COL5A1: variants seen among roughly 807,000 people sequenced by gnomAD.
COL5A1 encodes the protein collagen alpha-1(V) chain.
A neutral mutation model predicts 263.7 loss-of-function variants in COL5A1; 16 were observed. That is an observed-to-expected ratio of 0.06 (90% CI 0.04 to 0.09). The LOEUF (loss-of-function observed/expected upper bound fraction) is 0.09, where lower values mean the gene tolerates loss of function less well. Among genes scored for constraint, COL5A1 ranks in the 10% least tolerant of loss-of-function variants. The pLI is 1.00. For synonymous variants in COL5A1, 1,012 were observed against 1,004.5 expected, an observed-to-expected ratio of 1.01 and a Z score of -0.14; for missense variants, 2,036 against 2,540.5, an observed-to-expected ratio of 0.80 and a Z score of 4.27.
In COL5A1 at chr9:134,785,113, G is replaced by A. The variant is rs750947144; in HGVS notation, c.2592+17G>A. 43 of 1,592,162 alleles carry A rather than the reference G, an allele frequency of 2.7e-5. No homozygotes were observed. Among genetic ancestry groups the A allele is most frequent in the Middle Eastern group, 1.7e-4 (1 of 6,024 alleles). On this transcript the variant is annotated intron_variant, in intron 30 of 65. Transcript: ENST00000371817. The stretch of plus-strand genomic sequence containing the variant: ...GGGGAGAAGGTTTGTGATGTGGGAC[G>A]TTCAGCCACTTTCTTGGGAGGGATC...
chr9:134,740,352 C>A (rs542034792), intron 11 of COL5A1, among the ~76,000 whole-genome samples: 4 of 152,328 alleles, frequency 2.6e-5, no homozygotes, highest in Middle Eastern at 3.4e-3. Context: ...ACCCCTTCCC[C>A]CAGATTCGCG....
At chr9:134,753,017 C>T (rs760860963) in intron 14 of COL5A1, among the ~76,000 whole-genome samples, 9 of 152,136 alleles carry the variant, frequency 5.9e-5, no homozygotes, top group Non-Finnish European at 1.2e-4. Context: ...GCTCCCCCTG[C>T]AGAGAACACG....
intron 60 of COL5A1, 95 bp downstream of exon 60, chr9:134,823,128 C>T: frequency 2.9e-6 from 4 of 1,397,372 alleles, no homozygotes; most frequent in Non-Finnish European, 4.0e-6. Context: ...GACAACCGTC[C>T]TAGCTCAGGC....
At chr9:134,817,149 C>T in intron 53 of COL5A1, 70 bp downstream of exon 53, 6 of 1,435,248 alleles carry the variant, frequency 4.2e-6, no homozygotes, top group Non-Finnish European at 5.9e-6. Context: ...CTCCCCGTCA[C>T]CTTTGCTTGG....
chr9:134,717,601 T>C (rs1472566115), intron 4 of COL5A1, among the ~76,000 whole-genome samples: 1 of 152,044 alleles, frequency 6.6e-6, no homozygotes, highest in African/African-American at 2.4e-5. Flanking sequence ...GTATGGGAGG[T>C]TGGACAACGT....
chr9:134,802,056 CCA>C, intron 38 of COL5A1, 49 bp downstream of exon 38: 3 of 1,579,186 alleles, frequency 1.9e-6, no homozygotes, highest in Non-Finnish European at 2.6e-6. Flanking sequence ...TGTCACTTGC[CCA>C]CAGGGAAGAG....
At chr9:134,646,654 G>C (rs1831485089) in intron 1 of COL5A1, among the ~76,000 whole-genome samples, 1 of 152,152 alleles carries the variant, frequency 6.6e-6, no homozygotes, top group South Asian at 2.1e-4. Context: ...GTTTCCCTTT[G>C]ACGAGCCCTG....
intron 37 of COL5A1, among the ~76,000 whole-genome samples, chr9:134,800,064 G>C (rs765796753): frequency 6.6e-6 from 1 of 152,208 alleles, no homozygotes; most frequent in Non-Finnish European, 1.5e-5. Context: ...CTTCCAGAAA[G>C]AGCTTCTCTG....
intron 4 of COL5A1, among the ~76,000 whole-genome samples, chr9:134,705,175 G>A (rs1319331698): frequency 6.6e-6 from 1 of 152,224 alleles, no homozygotes; most frequent in Non-Finnish European, 1.5e-5. Flanking sequence ...GGGTGTCTGT[G>A]GCCCCACAGA....
At chr9:134,738,612 G>A (rs577008132) in intron 10 of COL5A1, 97 bp downstream of exon 10, 20 of 1,564,996 alleles carry the variant, frequency 1.3e-5, no homozygotes, top group East Asian at 2.2e-5. Flanking sequence ...AAAGAGGGGG[G>A]CTCTCCGCTT....
intron 28 of COL5A1, among the ~76,000 whole-genome samples, chr9:134,780,394 T>A (rs1372707318): frequency 6.6e-6 from 1 of 152,192 alleles, no homozygotes; most frequent in Non-Finnish European, 1.5e-5. Context: ...GTCCAGGGTT[T>A]GTGTCTCTGC....
chr9:134,655,703 G>A (rs1054740526), intron 1 of COL5A1, among the ~76,000 whole-genome samples: 1 of 152,120 alleles, frequency 6.6e-6, no homozygotes, highest in African/African-American at 2.4e-5. Flanking sequence ...AATTGAGCTG[G>A]GCTTGTGAAA....
rs1838779732 is a variant in COL5A1, at chr9:134,817,019, A to C, written c.4123-7A>C. ...TCCTCACACTCTGTTCTTTCTCCCA[A>C]TACCAGGGATCCCCCGGCCCTACTG... On this transcript the variant is annotated splice_region_variant and splice_polypyrimidine_tract_variant and intron_variant, in intron 52 of 65. Transcript: ENST00000371817. 1 of 1,613,678 alleles carries C rather than the reference A, an allele frequency of 6.2e-7. No homozygotes were observed. Among genetic ancestry groups the C allele is most frequent in the African/African-American group, 1.3e-5 (1 of 74,916 alleles).
At chr9:134,738,032 C>T (rs898111612) in intron 9 of COL5A1, among the ~76,000 whole-genome samples, 2 of 152,168 alleles carry the variant, frequency 1.3e-5, no homozygotes, top group Middle Eastern at 3.2e-3. Context: ...CAGCCTGGAG[C>T]TGGGGCACCT....
At chr9:134,749,073 C>T (rs1346012672) in intron 11 of COL5A1, among the ~76,000 whole-genome samples, 1 of 152,178 alleles carries the variant, frequency 6.6e-6, no homozygotes, top group African/African-American at 2.4e-5. Flanking sequence ...CCCGTCTCTA[C>T]TAAATATACA....
intron 1 of COL5A1, among the ~76,000 whole-genome samples, chr9:134,687,615 G>T (rs1025339356): frequency 2.0e-5 from 3 of 152,158 alleles, no homozygotes; most frequent in Admixed American, 6.6e-5. Flanking sequence ...TCAGATGGTC[G>T]GTCTCAGGAA....
chr9:134,717,275 C>T (rs1441969825), intron 4 of COL5A1, among the ~76,000 whole-genome samples: 1 of 152,178 alleles, frequency 6.6e-6, no homozygotes, highest in Non-Finnish European at 1.5e-5. Flanking sequence ...GAGGGAAGCC[C>T]CGTGCAAGAG....
At position 134,727,290 on chromosome 9, in the gene COL5A1, G is replaced by T; in HGVS notation, c.679G>T (p.Val227Phe). 1 of 1,613,976 alleles carries T rather than the reference G, an allele frequency of 6.2e-7. No individual in the cohort carries two copies. Among genetic ancestry groups the T allele is most frequent in the South Asian group, 1.1e-5 (1 of 91,062 alleles). The change falls in exon 5 of 66, where the codon GTC (valine) becomes TTC (phenylalanine). Residue 227 changes from valine (V) to phenylalanine (F), a missense_variant. Val to Phe is a conservative substitution (Grantham distance 50). Transcript: ENST00000371817. ...FEGDIQQLLF[V>F]SDHRAAYDYC... The stretch of plus-strand genomic sequence containing the variant: ...GGGTGACATCCAGCAGCTGCTCTTT[G>T]TCTCGGACCACCGGGCAGCTTATGA...
chr9:134,820,009 G>A (rs1588589205), intron 57 of COL5A1, 107 bp from the exon 58 acceptor site: 3 of 870,358 alleles, frequency 3.4e-6, no homozygotes, highest in South Asian at 2.6e-5. Flanking sequence ...TGACCATGAT[G>A]TAAAGCTTCC....
Sources: gnomAD v4.1 joint callset for allele counts (sites outside exome capture counted in the v4.1 genomes callset) on GRCh38, gnomAD v4.1.1 for gene constraint, MANE v1.5 for transcripts, NCBI Gene and HGNC (gene_info 2026-07-23, HGNC 2026-07-21) for gene names.